Variants in NEMP1 observed in about 807,000 individuals in gnomAD.
NEMP1 encodes the protein nuclear envelope integral membrane protein 1.
A neutral mutation model predicts 53.7 loss-of-function variants in NEMP1; 29 were observed. That is an observed-to-expected ratio of 0.54 (90% CI 0.40 to 0.74). The LOEUF is 0.74. Ranked by LOEUF, NEMP1 falls within the 30% of genes least tolerant of loss-of-function variation. The pLI is 0.00. For missense variants in NEMP1, 477 were observed against 528.6 expected (o/e 0.90, Z 0.96); for synonymous variants, 193 against 192.9 (o/e 1.00, Z 0.00).
At chr12:57,070,557 T>C (rs1290654438) in intron 3 of NEMP1, 117 bp downstream of exon 3, 2 of 811,498 alleles carry the variant, frequency 2.5e-6, no homozygotes, top group African/African-American at 1.7e-5. Flanking sequence ...CTCAGGGTTA[T>C]AATCAGAACC....
At chr12:57,073,419 G>T (rs1449904503) in intron 1 of NEMP1, among the ~76,000 whole-genome samples, 3 of 151,866 alleles carry the variant, frequency 2.0e-5, no homozygotes, top group African/African-American at 4.8e-5. Flanking sequence ...GTGGGCGGAT[G>T]ACCTGAGGTC....
intron 4 of NEMP1, among the ~76,000 whole-genome samples, chr12:57,068,891 A>G (rs1028726624): frequency 2.6e-5 from 4 of 152,106 alleles, no homozygotes; most frequent in African/African-American, 7.2e-5. Flanking sequence ...ACGTCTGAAC[A>G]AAATGAAACT....
chr12:57,078,822 C>T (rs2032756609), upstream of NEMP1: 1 of 1,511,414 alleles, frequency 6.6e-7, no homozygotes, highest in Non-Finnish European at 8.9e-7. Context: ...AGCAGCCTAT[C>T]CTCTACGAAA....
chr12:57,064,629 A>G lies in NEMP1; in HGVS notation c.639+17T>C. On this transcript the variant is annotated intron_variant, in intron 5 of 8. Transcript: ENST00000300128. The stretch of plus-strand genomic sequence containing the variant: ...TCCAAATTCATTCTAGCTGCACATG[A>G]AGATTCTGATACTTACCTTAGGCAT... 2 of 1,574,856 alleles carry G rather than the reference A, an allele frequency of 1.3e-6. No individual in the cohort carries two copies. Among genetic ancestry groups the G allele is most frequent in the Non-Finnish European group, 1.7e-6 (2 of 1,153,074 alleles).
At chr12:57,065,070 TC>T (rs2136490710) in intron 4 of NEMP1, among the ~76,000 whole-genome samples, 1 of 152,366 alleles carries the variant, frequency 6.6e-6, no homozygotes, top group African/African-American at 2.4e-5. Flanking sequence ...CTAAAGATCA[TC>T]TACGCCTTCA....
intron 5 of NEMP1, among the ~76,000 whole-genome samples, 164 bp from the exon 6 acceptor site, chr12:57,064,349 G>C (rs2031971297): frequency 6.6e-6 from 1 of 152,106 alleles, no homozygotes; most frequent in Admixed American, 6.6e-5. Flanking sequence ...AAATGGTACA[G>C]TCTGCAACGA....
At chr12:57,063,771 A>C (rs2031935232) in intron 6 of NEMP1, among the ~76,000 whole-genome samples, 2 of 152,240 alleles carry the variant, frequency 1.3e-5, no homozygotes, top group South Asian at 4.1e-4. Flanking sequence ...AGTATATTTA[A>C]AATATGATTC....
At chr12:57,087,049 G>A (rs1302800626) in intron 1 of NEMP1, among the ~76,000 whole-genome samples, 3 of 152,160 alleles carry the variant, frequency 2.0e-5, no homozygotes, top group African/African-American at 4.8e-5. Flanking sequence ...GGCTCCCCTA[G>A]GGGAGTGGGC....
At chr12:57,067,876 C>G (rs986368741) in intron 4 of NEMP1, among the ~76,000 whole-genome samples, 2 of 152,084 alleles carry the variant, frequency 1.3e-5, no homozygotes, top group Non-Finnish European at 2.9e-5. Flanking sequence ...CTCAAGTGAT[C>G]CTCCTACCTC....
intron 2 of NEMP1, among the ~76,000 whole-genome samples, chr12:57,071,502 T>C (rs965593360): frequency 2.6e-5 from 4 of 152,022 alleles, no homozygotes; most frequent in Admixed American, 6.6e-5. Flanking sequence ...CTCAGCCTCC[T>C]GAGTAGCTGG....
At chr12:57,077,912 T>C (rs376359300) in intron 1 of NEMP1, among the ~76,000 whole-genome samples, 1 of 152,190 alleles carries the variant, frequency 6.6e-6, no homozygotes, top group East Asian at 1.9e-4. Flanking sequence ...TGAAACCCCA[T>C]TTCTACTAAA....
chr12:57,059,905 T>C lies in NEMP1; in HGVS notation c.1309A>G (p.Ile437Val), dbSNP rs754568898. ...EEDSYSRCPA[I>V]TQNNFLT Reference sequence around the variant, plus strand: ...TAGGTTAGAAAGTTGTTCTGTGTGATAGCAGGACACCGAGAATATGAGTCC... The same window carrying C: ...TAGGTTAGAAAGTTGTTCTGTGTGACAGCAGGACACCGAGAATATGAGTCC... The change falls in exon 9 of 9, where the codon ATC (isoleucine) becomes GTC (valine). Residue 437 changes from isoleucine (I) to valine (V), a missense_variant. Transcript: ENST00000300128. 4.3e-6 allele frequency: 7 copies of C among 1,613,836 alleles called. No homozygotes were observed. The highest frequency in any genetic ancestry group is 2.2e-5 in the South Asian group (2 of 91,028).
chr12:57,070,951 C>A, intron 2 of NEMP1, 58 bp from the exon 3 acceptor site: 2 of 1,449,438 alleles, frequency 1.4e-6, no homozygotes, highest in Admixed American at 2.1e-5. Context: ...TAATTTTTCA[C>A]AAATACAATT....
chr12:57,079,601 C>T (rs557669972), upstream of NEMP1, among the ~76,000 whole-genome samples: 1 of 152,244 alleles, frequency 6.6e-6, no homozygotes, highest in East Asian at 1.9e-4. Context: ...ACACAGGGCC[C>T]AGCAGAGATC....
At chr12:57,077,880 G>A (rs1400733029) in intron 1 of NEMP1, among the ~76,000 whole-genome samples, 1 of 152,080 alleles carries the variant, frequency 6.6e-6, no homozygotes, top group East Asian at 1.9e-4. Flanking sequence ...TCAGGAGTTC[G>A]AGACCACCCT....
intron 2 of NEMP1, among the ~76,000 whole-genome samples, chr12:57,071,525 T>C (rs915410617): frequency 3.3e-5 from 5 of 152,014 alleles, no homozygotes; most frequent in Non-Finnish European, 7.4e-5. Flanking sequence ...CTACAGGGTG[T>C]GCGCCACCAT....
intron 1 of NEMP1, among the ~76,000 whole-genome samples, chr12:57,084,280 A>AT (rs995177946): frequency 5.3e-5 from 8 of 152,074 alleles, no homozygotes; most frequent in African/African-American, 1.4e-4. Context: ...GGTTTTCATA[A>AT]TTTTTTTAAA....
At chr12:57,082,273 T>C (rs551254282), upstream of NEMP1, among the ~76,000 whole-genome samples, 73 of 152,318 alleles carry the variant, frequency 4.8e-4, no homozygotes, top group African/African-American at 1.6e-3. Flanking sequence ...CTGTAGACTT[T>C]AGTTAATAAT....
At chr12:57,071,527 C>T (rs780832038) in intron 2 of NEMP1, among the ~76,000 whole-genome samples, 5 of 151,960 alleles carry the variant, frequency 3.3e-5, no homozygotes, top group South Asian at 4.1e-4. Flanking sequence ...ACAGGGTGTG[C>T]GCCACCATGC....
Sources: gnomAD v4.1 joint callset for allele counts (sites outside exome capture counted in the v4.1 genomes callset) on GRCh38, gnomAD v4.1.1 for gene constraint, MANE v1.5 for transcripts, NCBI Gene and HGNC (gene_info 2026-07-23, HGNC 2026-07-21) for gene names.